Variants in MYPN observed in about 807,000 individuals in gnomAD.
MYPN encodes the protein sarcomeric protein myopalladin, 145 kDa (MYOP).
MYPN carries 63 observed loss-of-function variants against 129.4 expected under a neutral mutation model. The ratio of observed to expected loss-of-function variants is 0.49; its 90% CI spans 0.40 to 0.60. MYPN has a LOEUF of 0.60. Ranked by LOEUF, MYPN falls within the 20% of genes least tolerant of loss-of-function variation. MYPN has a pLI of 0.00. For missense variants in MYPN, 1,596 were observed against 1,635.4 expected (o/e 0.98, Z 0.42); for synonymous variants, 629 against 600.9 (o/e 1.05, Z -0.68).
chr10:68,203,616 AC>A (rs1254707865), intron 18 of MYPN, among the ~76,000 whole-genome samples: 1 of 151,934 alleles, frequency 6.6e-6, no homozygotes, highest in African/African-American at 2.4e-5. Context: ...ATATTTTGAT[AC>A]TTTAAACTCA....
At chr10:68,185,940 G>A (rs1467858810) in intron 12 of MYPN, among the ~76,000 whole-genome samples, 1 of 152,150 alleles carries the variant, frequency 6.6e-6, no homozygotes, top group Admixed American at 6.5e-5. Context: ...GAAGAATTAG[G>A]CTGAATCATA....
chr10:68,104,644 A>G (rs1422809115), upstream of MYPN, among the ~76,000 whole-genome samples: 4 of 152,154 alleles, frequency 2.6e-5, no homozygotes, highest in Non-Finnish European at 4.4e-5. Context: ...TTTCTTTCTA[A>G]ATTATCACTT....
At chr10:68,185,365 A>C (rs984896784) in intron 12 of MYPN, among the ~76,000 whole-genome samples, 1 of 152,182 alleles carries the variant, frequency 6.6e-6, no homozygotes, top group Non-Finnish European at 1.5e-5. Context: ...TTTAGAAAAC[A>C]ATAACATTTT....
chr10:68,111,028 T>C (rs1371657144), intron 1 of MYPN, among the ~76,000 whole-genome samples: 1 of 152,198 alleles, frequency 6.6e-6, no homozygotes, highest in African/African-American at 2.4e-5. Flanking sequence ...AATAATGTGT[T>C]AAAACCCCAG....
intron 18 of MYPN, 55 bp downstream of exon 18, chr10:68,202,049 C>T (rs2043724995): frequency 6.3e-7 from 1 of 1,598,154 alleles, no homozygotes; most frequent in African/African-American, 1.3e-5. Flanking sequence ...GCTTGTTGCG[C>T]CACCCAAATA....
intron 7 of MYPN, among the ~76,000 whole-genome samples, chr10:68,161,501 G>A (rs1224937283): frequency 6.7e-5 from 10 of 148,482 alleles, no homozygotes; most frequent in East Asian, 2.0e-4. Flanking sequence ...GGCAACAAGA[G>A]TGAAACTCAG....
At chr10:68,182,393 CATATATATA>C (rs1564686981) in intron 12 of MYPN, among the ~76,000 whole-genome samples, 14 of 95,494 alleles carry the variant, frequency 1.5e-4, no homozygotes, top group South Asian at 6.7e-4. Context: ...ACATATATAA[CATATATATA>C]ACACATATAT....
intron 17 of MYPN, 116 bp downstream of exon 17, chr10:68,199,691 T>A: frequency 9.8e-7 from 1 of 1,015,900 alleles, no homozygotes; most frequent in South Asian, 1.3e-5. Flanking sequence ...AATCTCAATT[T>A]CCCCTTCACT....
rs960801583 is a variant in MYPN at position 68,149,757 on chromosome 10, G to A, written c.1246-283G>A. 5.9e-5 allele frequency among the ~76,000 whole-genome samples: 9 copies of A among 152,186 alleles called. No individual in the cohort carries two copies. The East Asian group carries it at 1.2e-3, about 20-fold the overall frequency. On this transcript the variant is annotated intron_variant, in intron 5 of 19. Transcript: ENST00000358913. ...ATCTGTGTAGCCCCAGGGGTTCTAC[G>A]GAGCCTCTTTGGAGGTTTAGGGTTA...
chr10:68,155,597 A>G (rs2042858713), intron 6 of MYPN, among the ~76,000 whole-genome samples: 1 of 152,214 alleles, frequency 6.6e-6, no homozygotes, highest in African/African-American at 2.4e-5. Context: ...ACCCCATGCC[A>G]TTAGTAACCA....
At chr10:68,176,649 T>C (rs1440197176) in intron 12 of MYPN, among the ~76,000 whole-genome samples, 2 of 152,192 alleles carry the variant, frequency 1.3e-5, no homozygotes, top group African/African-American at 4.8e-5. Context: ...TTAAAATTAT[T>C]AAGGAGAATA....
At chr10:68,145,289 G>C (rs2134075793) in intron 3 of MYPN, among the ~76,000 whole-genome samples, 186 bp from the exon 4 acceptor site, 1 of 152,184 alleles carries the variant, frequency 6.6e-6, no homozygotes, top group Non-Finnish European at 1.5e-5. Flanking sequence ...CTCCCAAAGT[G>C]CTGAGATTAC....
chr10:68,209,488 C>A (rs1009423854), intron 19 of MYPN, among the ~76,000 whole-genome samples: 25 of 152,072 alleles, frequency 1.6e-4, no homozygotes, highest in Non-Finnish European at 3.1e-4. Context: ...CTCAGAGGGG[C>A]AAACCCATTG....
At chr10:68,130,401 A>G (rs1360544015) in intron 2 of MYPN, among the ~76,000 whole-genome samples, 1 of 151,136 alleles carries the variant, frequency 6.6e-6, no homozygotes, top group Non-Finnish European at 1.5e-5. Flanking sequence ...TGGAGGTTAC[A>G]GTGAGCCAAG....
At chr10:68,106,254 T>C, upstream of MYPN, 1 of 434,578 alleles carries the variant, frequency 2.3e-6, no homozygotes, top group Non-Finnish European at 4.5e-6. Context: ...AAAATGTTTT[T>C]AGTTTTTAAA....
At position 68,145,521 on chromosome 10, in the gene MYPN, G is replaced by T; in HGVS notation, c.1125G>T (p.Met375Ile). 1 of 1,612,656 alleles carries T rather than the reference G, an allele frequency of 6.2e-7. No individual in the cohort carries two copies. The highest frequency in any genetic ancestry group is 8.5e-7 in the Non-Finnish European group (1 of 1,179,036). The change falls in exon 4 of 20, where the codon ATG becomes ATT. Residue 375 changes from methionine (M) to isoleucine (I), a missense_variant. Met to Ile is a conservative substitution (Grantham distance 10, BLOSUM62 1). Transcript: ENST00000358913. The stretch of plus-strand genomic sequence containing the variant: ...AAGGCGACCCTAACAAGGAAGAGAT[G>T]AATCGGTAATTCTGATTTTCTGTCT... ...DSEGDPNKEE[M>I]NRIQKPNEVS... is the part of the protein sequence containing the mutation.
At chr10:68,199,098 T>C (rs1239566213) in intron 16 of MYPN, among the ~76,000 whole-genome samples, 1 of 152,200 alleles carries the variant, frequency 6.6e-6, no homozygotes, top group Non-Finnish European at 1.5e-5. Flanking sequence ...TCTATCTATT[T>C]CACTTTTTAA....
intron 13 of MYPN, among the ~76,000 whole-genome samples, chr10:68,193,547 T>C (rs1334094223): frequency 1.3e-5 from 2 of 152,308 alleles, no homozygotes; most frequent in African/African-American, 2.4e-5. Context: ...CACTGGATGC[T>C]GAAAAATCAC....
At chr10:68,199,088 T>C (rs2043662752) in intron 16 of MYPN, among the ~76,000 whole-genome samples, 1 of 152,136 alleles carries the variant, frequency 6.6e-6, no homozygotes. Context: ...GCCTATTATA[T>C]CTATCTATTT....
Sources: gnomAD v4.1 joint callset for allele counts (sites outside exome capture counted in the v4.1 genomes callset) on GRCh38, gnomAD v4.1.1 for gene constraint, MANE v1.5 for transcripts, NCBI Gene and HGNC (gene_info 2026-07-23, HGNC 2026-07-21) for gene names.